SPATA22: variants seen among roughly 807,000 people sequenced by gnomAD.
SPATA22 encodes the protein spermatogenesis-associated protein 22.
Under a neutral mutation model 47.8 loss-of-function variants are expected in SPATA22, and 29 were observed. The observed-to-expected ratio is 0.61, with a 90% CI of 0.45 to 0.83. SPATA22 has a LOEUF of 0.83. Ranked by LOEUF, SPATA22 falls within the 40% of genes least tolerant of loss-of-function variation. The pLI, the probability that SPATA22 is intolerant of heterozygous loss-of-function variation, is 0.00. For synonymous variants in SPATA22, 133 were observed against 140.9 expected (o/e 0.94, Z 0.40); for missense variants, 410 against 421.7 (o/e 0.97, Z 0.24).
At chr17:3,480,426 A>T (rs567960398) in intron 1 of SPATA22, among the ~76,000 whole-genome samples, 1 of 152,264 alleles carries the variant, frequency 6.6e-6, no homozygotes, top group Admixed American at 6.5e-5. Flanking sequence ...TTGAAGGTAA[A>T]ATCATAGGGA....
At chr17:3,502,228 T>C (rs2073999105) in intron 1 of SPATA22, 1 of 152,240 alleles carries the variant, frequency 6.6e-6, no homozygotes, top group African/African-American at 2.4e-5. Flanking sequence ...AAAGCATTTT[T>C]AATGAAGGAA....
intron 6 of SPATA22, among the ~76,000 whole-genome samples, chr17:3,448,066 G>A (rs907842931): frequency 2.0e-5 from 3 of 152,182 alleles, no homozygotes; most frequent in African/African-American, 7.2e-5. Flanking sequence ...TAGAGAGGAA[G>A]TACAGTTGAG....
intron 8 of SPATA22, 32 bp from the exon 9 acceptor site, chr17:3,440,370 GT>G: frequency 6.8e-7 from 1 of 1,474,142 alleles, no homozygotes; most frequent in Non-Finnish European, 9.1e-7. Context: ...TCAAAAAATA[GT>G]TATTACTTCA....
chr17:3,448,020 A>C (rs2150700454), intron 6 of SPATA22, among the ~76,000 whole-genome samples: 1 of 152,318 alleles, frequency 6.6e-6, no homozygotes, highest in East Asian at 1.9e-4. Flanking sequence ...ATAATATATA[A>C]ATAACATTTA....
rs2073809193 is a variant in SPATA22, at chr17:3,490,643, C to A, written c.-73-21245G>T. ...GCTTTTTACCATCTTTGTCTGAGGG[C>A]AGGTTCTATACTGTCTAATGGAACT... On this transcript the variant is annotated intron_variant, in intron 1 of 8. Transcript: ENST00000541913. The surrounding 1 kb of genome is among the most constrained non-coding windows in gnomAD (Gnocchi z 4.6). 6.6e-6 allele frequency among the ~76,000 whole-genome samples: 1 copy of A among 152,154 alleles called. No individual in the cohort carries two copies. Among genetic ancestry groups the A allele is most frequent in the Non-Finnish European group, 1.5e-5 (1 of 68,034 alleles).
intron 3 of SPATA22, among the ~76,000 whole-genome samples, chr17:3,463,921 C>CCCTCTT (rs2073195647): frequency 1.2e-5 from 1 of 85,816 alleles, no homozygotes; most frequent in Non-Finnish European, 2.9e-5. Flanking sequence ...CTCTCCCTCT[C>CCCTCTT]CCTCTCCCTC....
chr17:3,470,750 CA>C (rs11339645), intron 1 of SPATA22, among the ~76,000 whole-genome samples: 84,035 of 147,116 alleles, frequency 0.57, 25,290 homozygotes, highest in Non-Finnish European at 0.68. Flanking sequence ...GACTCCGTCT[CA>C]AAAAAAAAAG....
chr17:3,470,093 CAAA>C (rs57432043), intron 1 of SPATA22, among the ~76,000 whole-genome samples: 2 of 54,300 alleles, frequency 3.7e-5, no homozygotes, highest in Non-Finnish European at 3.3e-5. Context: ...GACTCCATCT[CAAA>C]AAAAAAAAAA....
chr17:3,462,887 T>G, intron 3 of SPATA22, 120 bp from the exon 4 acceptor site: 1 of 759,860 alleles, frequency 1.3e-6, no homozygotes, highest in South Asian at 1.6e-5. Flanking sequence ...CTTGAATATA[T>G]GGATTTCTTC....
chr17:3,495,183 G>A (rs941502004), intron 1 of SPATA22, among the ~76,000 whole-genome samples: 4 of 152,198 alleles, frequency 2.6e-5, no homozygotes, highest in African/African-American at 9.6e-5. Flanking sequence ...CAAAGCCAAA[G>A]TATCCATTCC....
intron 5 of SPATA22, among the ~76,000 whole-genome samples, chr17:3,458,669 C>A (rs8074620): frequency 2.2e-3 from 327 of 151,352 alleles, no homozygotes; most frequent in African/African-American, 7.6e-3. Context: ...ATGGTGAAAC[C>A]CCATCTCTAC....
At chr17:3,454,000 T>A (rs1264466812) in intron 5 of SPATA22, among the ~76,000 whole-genome samples, 1 of 152,016 alleles carries the variant, frequency 6.6e-6, no homozygotes, top group Admixed American at 6.6e-5. Context: ...AAGAAACTGT[T>A]AGAACTAAAA....
intron 1 of SPATA22, among the ~76,000 whole-genome samples, chr17:3,489,980 C>G (rs888747901): frequency 6.6e-6 from 1 of 152,144 alleles, no homozygotes; most frequent in African/African-American, 2.4e-5. Context: ...GTTAAATAAA[C>G]TAACATGGAA....
At position 3,459,557 on chromosome 17, in the gene SPATA22, C is replaced by T. The variant is rs191293450; in HGVS notation, c.329+2926G>A. Among the ~76,000 whole-genome samples, 40 of 152,284 alleles carry T rather than the reference C, an allele frequency of 2.6e-4. 1 individual carries two copies. In the East Asian group the frequency reaches 7.3e-3, roughly 28 times the overall value. On this transcript the variant is annotated intron_variant, in intron 5 of 8. Coordinates refer to ENST00000572969, the MANE Select transcript of SPATA22 (RefSeq NM_001170698.2). ...AGTAGCTGGGATTACAGGCATGCGC[C>T]ACCACGCCTGGCTAATTTTTGTATT... is the stretch of plus-strand genomic sequence containing the variant.
chr17:3,465,120 C>A (rs2073263242), intron 3 of SPATA22, among the ~76,000 whole-genome samples: 1 of 128,488 alleles, frequency 7.8e-6, no homozygotes, highest in African/African-American at 2.9e-5. Flanking sequence ...TGAGGAGCGT[C>A]TCCGCCCGGC....
chr17:3,486,413 C>CCT (rs1208233895), intron 1 of SPATA22, among the ~76,000 whole-genome samples: 1 of 152,154 alleles, frequency 6.6e-6, no homozygotes. Flanking sequence ...CATGAAGAAT[C>CCT]CTCTCTCCAC....
At chr17:3,493,833 A>G (rs1597444940) in intron 1 of SPATA22, among the ~76,000 whole-genome samples, 1 of 152,204 alleles carries the variant, frequency 6.6e-6, no homozygotes, top group Admixed American at 6.5e-5. Context: ...TGGCTTTTTC[A>G]GTTCTGTTTT....
intron 1 of SPATA22, among the ~76,000 whole-genome samples, chr17:3,508,279 G>A (rs1162748911): frequency 6.6e-6 from 1 of 151,038 alleles, no homozygotes; most frequent in Non-Finnish European, 1.5e-5. Flanking sequence ...TGGAGAAATA[G>A]GAACACTTTT....
intron 5 of SPATA22, among the ~76,000 whole-genome samples, chr17:3,452,148 C>T (rs4790487): frequency 0.23 from 35,400 of 151,112 alleles, 4,408 homozygotes; most frequent in East Asian, 0.43. Context: ...AATGAATGCC[C>T]AAGTGGAAAT....
Sources: gnomAD v4.1 joint callset for allele counts (sites outside exome capture counted in the v4.1 genomes callset) on GRCh38, gnomAD v4.1.1 for gene constraint, Gnocchi (gnomAD v3.1) non-coding constraint, MANE v1.5 for transcripts, NCBI Gene and HGNC (gene_info 2026-07-23, HGNC 2026-07-21) for gene names.